Variants in ATP11B observed in about 807,000 individuals in gnomAD.
ATP11B encodes ATPase phospholipid transporting 11B (putative), also known as phospholipid-transporting ATPase IF.
In ATP11B, 81 loss-of-function variants were observed where a neutral mutation model predicts 157.8. The ratio of observed to expected loss-of-function variants is 0.51; its 90% CI spans 0.43 to 0.62. The LOEUF is 0.62. Ranked by LOEUF, ATP11B falls within the 20% of genes least tolerant of loss-of-function variation. The pLI, the probability that ATP11B is intolerant of heterozygous loss-of-function variation, is 0.00. For missense variants in ATP11B, 1,165 were observed against 1,402.2 expected (o/e 0.83, Z 2.70); for synonymous variants, 451 against 469.4 (o/e 0.96, Z 0.51).
intron 8 of ATP11B, among the ~76,000 whole-genome samples, chr3:182,843,125 C>G (rs1366186013): frequency 1.3e-5 from 2 of 152,138 alleles, no homozygotes; most frequent in African/African-American, 4.8e-5. Flanking sequence ...AACTTGTAAC[C>G]CATTTATTCA....
chr3:182,847,558 C>G (rs2108521616), intron 9 of ATP11B, among the ~76,000 whole-genome samples: 1 of 152,196 alleles, frequency 6.6e-6, no homozygotes. Context: ...TTATAATACC[C>G]TGCCTTTAAG....
intron 10 of ATP11B, among the ~76,000 whole-genome samples, chr3:182,850,879 TA>T (rs1037903020): frequency 1.3e-5 from 2 of 150,562 alleles, no homozygotes; most frequent in Non-Finnish European, 3.0e-5. Context: ...TATACATACC[TA>T]AAAAAAAAGG....
At position 182,845,492 on chromosome 3, in the gene ATP11B, G is replaced by A; in HGVS notation, c.739G>A (p.Ala247Thr). Residue 247 changes from alanine (A) to threonine (T), a missense_variant, in exon 9 of 30, where the codon GCC (alanine) becomes ACC (threonine). By Grantham distance (58) the Ala-to-Thr change is moderately conservative (BLOSUM62 0). Around this residue, in one of 4 missense-constraint regions of ATP11B, gnomAD observed 737 missense variants for 930.5 expected, o/e 0.79. Coordinates refer to ENST00000323116, the MANE Select transcript of ATP11B (RefSeq NM_014616.3). ...GCCGGAGAGTCTCCTGCTTCGTGGA[G>A]CCAGATTAAAAAACACAAAAGAAAT... ...LGPESLLLRG[A>T]RLKNTKEIFG... 2 of 1,596,624 alleles carry A rather than the reference G, an allele frequency of 1.3e-6. No homozygotes were observed. Among genetic ancestry groups the A allele is most frequent in the Non-Finnish European group, 1.7e-6 (2 of 1,175,782 alleles).
chr3:182,798,245 T>C (rs1715756517), intron 1 of ATP11B, among the ~76,000 whole-genome samples: 1 of 152,230 alleles, frequency 6.6e-6, no homozygotes, highest in African/African-American at 2.4e-5. Flanking sequence ...CTTACTTGTA[T>C]TTATATTCCT....
intron 10 of ATP11B, among the ~76,000 whole-genome samples, chr3:182,848,938 A>T (rs985303670): frequency 1.3e-5 from 2 of 152,218 alleles, no homozygotes; most frequent in African/African-American, 4.8e-5. Context: ...GCAAGGGGGA[A>T]AATTTAAGAG....
At position 182,917,252 on chromosome 3, in the gene ATP11B, A is replaced by G. The variant is rs1725202056; in HGVS notation, c.3453-771A>G. 4 of 985,392 alleles carry G rather than the reference A, an allele frequency of 4.1e-6. No individual in the cohort carries two copies. The South Asian group carries it at 1.9e-4, about 46-fold the overall frequency. The allele number at this position is 985,392 out of a possible 1,614,324, so 61.0% of individuals were successfully genotyped here. ...TGTTAAATGTGTTTAGTCTCATAAG[A>G]AAAGCAGTCTTTCACTTGGTAATCC... On this transcript the variant is annotated intron_variant, in intron 29 of 29. Coordinates refer to ENST00000323116, the MANE Select transcript of ATP11B (RefSeq NM_014616.3).
intron 28 of ATP11B, among the ~76,000 whole-genome samples, chr3:182,899,541 A>T (rs1410205947): frequency 6.6e-6 from 1 of 152,218 alleles, no homozygotes; most frequent in Non-Finnish European, 1.5e-5. Context: ...TAGAATTTTT[A>T]AAATTACATT....
chr3:182,864,290 G>A (rs1488455649), intron 12 of ATP11B, among the ~76,000 whole-genome samples: 1 of 151,992 alleles, frequency 6.6e-6, no homozygotes, highest in Non-Finnish European at 1.5e-5. Context: ...AGAACCTTAA[G>A]TACAATGTTG....
intron 5 of ATP11B, 96 bp from the exon 6 acceptor site, chr3:182,836,246 A>G (rs531628164): frequency 2.1e-5 from 33 of 1,571,410 alleles, no homozygotes; most frequent in Middle Eastern, 1.7e-4. Context: ...TTCCTATGCT[A>G]AAATACTGTG....
chr3:182,877,584 G>T (rs377519015), intron 19 of ATP11B, among the ~76,000 whole-genome samples: 2 of 152,218 alleles, frequency 1.3e-5, no homozygotes, highest in African/African-American at 4.8e-5. Context: ...TAAGGCTGTG[G>T]TGAGTTGTGA....
intron 1 of ATP11B, among the ~76,000 whole-genome samples, chr3:182,800,249 CCTCA>C (rs1715907067): frequency 6.6e-6 from 1 of 151,518 alleles, no homozygotes; most frequent in African/African-American, 2.4e-5. Flanking sequence ...TGAGATAAGG[CCTCA>C]CTTTGTCTCC....
chr3:182,803,066 G>T (rs190714714), intron 1 of ATP11B, among the ~76,000 whole-genome samples: 1 of 152,204 alleles, frequency 6.6e-6, no homozygotes, highest in Admixed American at 6.5e-5. Context: ...GTGTTACAAT[G>T]ACTATTATTG....
intron 1 of ATP11B, among the ~76,000 whole-genome samples, chr3:182,796,265 TATG>T (rs1715591436): frequency 6.6e-6 from 1 of 152,212 alleles, no homozygotes; most frequent in African/African-American, 2.4e-5. Context: ...AAAATTCTCT[TATG>T]GTGTCTTTGT....
chr3:182,910,848 T>C (rs563564465), intron 28 of ATP11B, among the ~76,000 whole-genome samples: 2 of 152,338 alleles, frequency 1.3e-5, no homozygotes, highest in African/African-American at 2.4e-5. Context: ...CAGTTTGTTA[T>C]TTTCTTGTTT....
chr3:182,844,610 T>C (rs978674072), intron 8 of ATP11B: 2 of 949,858 alleles, frequency 2.1e-6, no homozygotes, highest in Admixed American at 6.2e-5. Context: ...AGTCAAGTTA[T>C]ACTGTGCGAT....
intron 1 of ATP11B, among the ~76,000 whole-genome samples, chr3:182,817,790 G>T (rs1717057920): frequency 6.7e-6 from 1 of 150,178 alleles, no homozygotes; most frequent in South Asian, 2.1e-4. Context: ...GTTATTTTGG[G>T]TCCTTTTTTT....
At chr3:182,864,446 C>T (rs886947661) in intron 12 of ATP11B, among the ~76,000 whole-genome samples, 8 of 152,084 alleles carry the variant, frequency 5.3e-5, no homozygotes, top group South Asian at 2.1e-4. Flanking sequence ...GTTTGTTGAA[C>T]GCCTTTATCA....
At chr3:182,887,039 G>A (rs568383060) in intron 23 of ATP11B, among the ~76,000 whole-genome samples, 4 of 152,274 alleles carry the variant, frequency 2.6e-5, no homozygotes, top group East Asian at 1.9e-4. Context: ...AAAACAATAT[G>A]TAAAGCATAG....
At chr3:182,835,119 G>A (rs1335369121) in intron 4 of ATP11B, among the ~76,000 whole-genome samples, 1 of 152,060 alleles carries the variant, frequency 6.6e-6, no homozygotes, top group South Asian at 2.1e-4. Context: ...TGCTGTCTCA[G>A]GGGTGGCAGA....
Sources: allele counts gnomAD v4.1 joint callset (sites outside exome capture counted in the v4.1 genomes callset), GRCh38; gene constraint gnomAD v4.1.1; regional missense constraint gnomAD v4.1.1; transcripts MANE v1.5; gene names NCBI Gene and HGNC (gene_info 2026-07-23, HGNC 2026-07-21).